The following PIEZO2 variants were observed in gnomAD, a reference collection of about 807,000 sequenced individuals.
PIEZO2 encodes piezo-type mechanosensitive ion channel component 2.
PIEZO2 carries 172 observed loss-of-function variants against 337.3 expected under a neutral mutation model. That is an observed-to-expected ratio of 0.51 (90% confidence interval 0.45 to 0.58). The LOEUF (loss-of-function observed/expected upper bound fraction) is 0.58, where lower values mean the gene tolerates loss of function less well. Ranked by LOEUF, PIEZO2 falls within the 20% of genes least tolerant of loss-of-function variation. PIEZO2 has a pLI of 0.00. For missense variants in PIEZO2, 3,028 were observed against 3,391.3 expected (o/e 0.89, Z 2.66); for synonymous variants, 1,251 against 1,228.5 (o/e 1.02, Z -0.38).
chr18:11,147,283 T>A (rs2040833554), intron 1 of PIEZO2, among the ~76,000 whole-genome samples: 1 of 152,168 alleles, frequency 6.6e-6, no homozygotes, highest in South Asian at 2.1e-4. Flanking sequence ...TCCCTCCTGC[T>A]GCCCCGGGAC....
At chr18:10,827,701 A>G (rs927447723) in intron 7 of PIEZO2, among the ~76,000 whole-genome samples, 4 of 152,208 alleles carry the variant, frequency 2.6e-5, no homozygotes, top group African/African-American at 9.6e-5. Flanking sequence ...TCGTCTTTCA[A>G]TCATTTCAAC....
intron 1 of PIEZO2, among the ~76,000 whole-genome samples, chr18:11,117,613 A>G (rs1186343468): frequency 6.6e-6 from 1 of 152,242 alleles, no homozygotes; most frequent in African/African-American, 2.4e-5. Context: ...AGTAAATCCT[A>G]GTTTCCAAAG....
intron 27 of PIEZO2, among the ~76,000 whole-genome samples, chr18:10,754,246 G>A (rs968512450): frequency 1.3e-5 from 2 of 152,246 alleles, no homozygotes; most frequent in Admixed American, 6.5e-5. Context: ...TCTGAATAGA[G>A]AGACTGAACC....
Position 10,707,119 on chromosome 18 carries a change from G to A in PIEZO2, c.5588+1156C>T, listed in dbSNP as rs2155845. Among the ~76,000 whole-genome samples the A allele has an allele frequency of 0.27, 41,644 of 151,940 alleles. 5,838 individuals carry two copies. Among genetic ancestry groups the A allele is most frequent in the East Asian group, 0.4 (2,042 of 5,130 alleles). On this transcript the variant is annotated intron_variant, in intron 40 of 55. Coordinates refer to ENST00000674853, the MANE Select transcript of PIEZO2 (RefSeq NM_001378183.1). This position sits in a 1 kb window ranked among gnomAD's most constrained non-coding sequence, Gnocchi z 4.2. ...TCATGTACGGGCTGGTGAAATGCCA[G>A]CCCAAAACAGATTTTTGCTAAGACT...
rs1356557267 is a variant in PIEZO2 at position 10,862,300 on chromosome 18, G to C, written c.493-5089C>G. On this transcript the variant is annotated intron_variant, in intron 5 of 55. Coordinates refer to ENST00000674853, the MANE Select transcript of PIEZO2 (RefSeq NM_001378183.1). The surrounding 1 kb of genome is among the most constrained non-coding windows in gnomAD (Gnocchi z 4.4). Reference sequence around the variant, plus strand: ...TTTCAACATTTGATAACATGTATTAGTGTAAGATCTCTCATTTCACATAAG... The same window carrying C: ...TTTCAACATTTGATAACATGTATTACTGTAAGATCTCTCATTTCACATAAG... 6.6e-6 allele frequency among the ~76,000 whole-genome samples: 1 copy of C among 152,114 alleles called. No individual in the cohort carries two copies. The highest frequency in any genetic ancestry group is 1.5e-5 in the Non-Finnish European group (1 of 68,022).
At chr18:10,932,928 A>G (rs1418542505) in intron 3 of PIEZO2, among the ~76,000 whole-genome samples, 2 of 151,708 alleles carry the variant, frequency 1.3e-5, no homozygotes, top group African/African-American at 2.4e-5. Flanking sequence ...CTTCTCTAAA[A>G]AAGGTAAAAA....
chr18:10,753,485 C>A (rs1035944969), intron 27 of PIEZO2, among the ~76,000 whole-genome samples: 1 of 152,180 alleles, frequency 6.6e-6, no homozygotes, highest in Non-Finnish European at 1.5e-5. Context: ...GCCAGCGTTC[C>A]GGTGTCAGTC....
rs781601186 is a variant in PIEZO2, at chr18:11,030,621, G to A, written c.160+35506C>T. Reference sequence around the variant, plus strand: ...AGCCAAAACAATGTCAGCTTGGCTCGTGCTCCAGCGAAGAGTTAGAAACGC... The same window carrying A: ...AGCCAAAACAATGTCAGCTTGGCTCATGCTCCAGCGAAGAGTTAGAAACGC... On this transcript the variant is annotated intron_variant, in intron 2 of 55. Transcript: ENST00000674853. Among the ~76,000 whole-genome samples the A allele has an allele frequency of 5.3e-5, 8 of 152,198 alleles. 1 individual carries two copies. The highest frequency in any genetic ancestry group is 6.8e-3 in the Middle Eastern group (2 of 292).
At chr18:10,792,912 A>C (rs1364618013) in intron 13 of PIEZO2, among the ~76,000 whole-genome samples, 7 of 152,192 alleles carry the variant, frequency 4.6e-5, no homozygotes, top group Non-Finnish European at 1.0e-4. Flanking sequence ...GACCATTTCA[A>C]CTTCTCCATG....
At chr18:10,914,078 G>A (rs541402481) in intron 3 of PIEZO2, among the ~76,000 whole-genome samples, 278 of 152,276 alleles carry the variant, frequency 1.8e-3, no homozygotes, top group African/African-American at 6.3e-3. Flanking sequence ...ATTTCTGGCA[G>A]CCCATTATTC....
rs2034077213 is a variant in PIEZO2 at position 10,677,774 on chromosome 18, T to C, written c.8054A>G (p.Asn2685Ser). The C allele has an allele frequency of 1.9e-6, 3 of 1,611,428 alleles. No individual in the cohort carries two copies. The highest frequency in any genetic ancestry group is 1.3e-5 in the African/African-American group (1 of 74,918). ...RKNIAKMIAG[N>S]STESSKTPVT... ...TGGTGTTTTTGAACTTTCTGTGCTG[T>C]TGCCTGCTATCATTTTAGCGATATT... Residue 2685 changes from asparagine (N) to serine (S), a missense_variant, in exon 53 of 56, where the codon AAC (asparagine) becomes AGC (serine). This residue lies in a region of PIEZO2 where 332 missense variants were observed against 363.8 expected (regional missense o/e 0.91). Coordinates refer to ENST00000674853, the MANE Select transcript of PIEZO2 (RefSeq NM_001378183.1). The surrounding 1 kb of genome is among the most constrained non-coding windows in gnomAD (Gnocchi z 4.1).
intron 34 of PIEZO2, among the ~76,000 whole-genome samples, chr18:10,735,907 GTAGT>G (rs1186217380): frequency 6.6e-6 from 1 of 152,314 alleles, no homozygotes; most frequent in Non-Finnish European, 1.5e-5. Flanking sequence ...GCCCTAGTGT[GTAGT>G]TAATTGATAA....
intron 31 of PIEZO2, 82 bp from the exon 32 acceptor site, chr18:10,742,697 C>T (rs1431331827): frequency 1.5e-5 from 21 of 1,407,698 alleles, no homozygotes; most frequent in East Asian, 7.6e-5. Flanking sequence ...TATGCTGTTA[C>T]GTATATAGCT....
chr18:10,969,058 C>T lies in PIEZO2; in HGVS notation c.286+10477G>A, dbSNP rs1010132674. ...GAAAAATAACTAAGCTTATGTCATA[C>T]AAATAATATTTTCTAGAATGTCATT... On this transcript the variant is annotated intron_variant, in intron 3 of 55. Coordinates refer to ENST00000674853, the MANE Select transcript of PIEZO2 (RefSeq NM_001378183.1). This position sits in a 1 kb window ranked among gnomAD's most constrained non-coding sequence, Gnocchi z 4.5. 6.6e-6 allele frequency among the ~76,000 whole-genome samples: 1 copy of T among 152,290 alleles called. No individual in the cohort carries two copies. The highest frequency in any genetic ancestry group is 6.5e-5 in the Admixed American group (1 of 15,300).
rs2039678509 is a variant in PIEZO2, at chr18:11,109,841, T to G, written c.64+38684A>C. Among the ~76,000 whole-genome samples, 2 of 152,230 alleles carry G rather than the reference T, an allele frequency of 1.3e-5. No individual in the cohort carries two copies. Among genetic ancestry groups the G allele is most frequent in the African/African-American group, 4.8e-5 (2 of 41,454 alleles). On this transcript the variant is annotated intron_variant, in intron 1 of 55. Transcript: ENST00000674853. This position sits in a 1 kb window ranked among gnomAD's most constrained non-coding sequence, Gnocchi z 5.1. ...GATATACAGATTTTTCCACAGATCT[T>G]TCTTTTCTTGCTTTCCTTTACTGAA...
In PIEZO2 at chr18:10,979,667, G is replaced by A. The variant is rs1310514006; in HGVS notation, c.161-7C>T. The A allele has an allele frequency of 2.6e-6, 4 of 1,527,708 alleles. No homozygotes were observed. In the Admixed American group the frequency reaches 8.0e-5, roughly 30 times the overall value. The allele number at this position is 1,527,708 out of a possible 1,614,324, so 94.6% of individuals were successfully genotyped here. ...AATAACCGTCCCGTATGTCCTAAGG[G>A]ATAAAAAGTGCAGAGATTGTGAGAG... is the stretch of plus-strand genomic sequence containing the variant. On this transcript the variant is annotated splice_polypyrimidine_tract_variant and splice_region_variant and intron_variant, in intron 2 of 55. Coordinates refer to ENST00000674853, the MANE Select transcript of PIEZO2 (RefSeq NM_001378183.1). This position sits in a 1 kb window ranked among gnomAD's most constrained non-coding sequence, Gnocchi z 4.0.
intron 3 of PIEZO2, among the ~76,000 whole-genome samples, chr18:10,967,999 T>C (rs1488546039): frequency 2.0e-5 from 3 of 152,190 alleles, no homozygotes; most frequent in Admixed American, 6.5e-5. Context: ...TTGCATTTGC[T>C]TTTGGGTTCT....
chr18:10,763,956 G>A (rs906302982), intron 21 of PIEZO2, among the ~76,000 whole-genome samples: 17 of 152,182 alleles, frequency 1.1e-4, no homozygotes. Flanking sequence ...GTTTCCACTT[G>A]GGAGCCTGAG....
intron 26 of PIEZO2, among the ~76,000 whole-genome samples, chr18:10,758,901 C>A (rs946273544): frequency 6.6e-6 from 1 of 152,212 alleles, no homozygotes; most frequent in African/African-American, 2.4e-5. Flanking sequence ...TGAACACAAG[C>A]TGCTTCCTTG....
Sources: allele counts gnomAD v4.1 joint callset (sites outside exome capture counted in the v4.1 genomes callset), GRCh38; gene constraint gnomAD v4.1.1; regional missense constraint gnomAD v4.1.1; non-coding constraint Gnocchi (gnomAD v3.1); transcripts MANE v1.5; gene names NCBI Gene and HGNC (gene_info 2026-07-23, HGNC 2026-07-21).